USP34: variants seen among roughly 807,000 people sequenced by gnomAD.
USP34 encodes ubiquitin carboxyl-terminal hydrolase 34.
Under a neutral mutation model 460.3 loss-of-function variants are expected in USP34, and 70 were observed. That is an observed-to-expected ratio of 0.15 (90% CI 0.13 to 0.19). The LOEUF (loss-of-function observed/expected upper bound fraction) is 0.19. USP34 is among the 10% of genes least tolerant of loss of function. USP34 has a pLI of 1.00. For synonymous variants in USP34, 1,647 were observed against 1,405.3 expected (o/e 1.17, Z -3.85); for missense variants, 3,985 against 4,236.2 (o/e 0.94, Z 1.65).
At chr2:61,436,229 T>C (rs752961276) in intron 1 of USP34, among the ~76,000 whole-genome samples, 2 of 150,708 alleles carry the variant, frequency 1.3e-5, no homozygotes, top group Non-Finnish European at 3.0e-5. Flanking sequence ...ACTTGGGAAT[T>C]TGAGGCAAAA....
chr2:61,317,858 T>A, intron 22 of USP34, 91 bp from the exon 23 acceptor site: 1 of 889,724 alleles, frequency 1.1e-6, no homozygotes, highest in Non-Finnish European at 1.7e-6. Flanking sequence ...GAAAACACTG[T>A]AGAAGGAAAC....
Position 61,203,178 on chromosome 2 carries a change from A to T in USP34, c.9470T>A (p.Ile3157Asn). Residue 3157 changes from isoleucine to asparagine, a missense_variant, in exon 75 of 80, where the codon ATC becomes AAC. Transcript: ENST00000398571. ...TGTTTCAGTAAATTTTTCACAGTTG[A>T]TTGCAACTCGGCATAATAGATGGAT... The part of the protein sequence containing the change: ...QFIHLLCRVA[I>N]NCEKFTETLV... 6.2e-7 allele frequency: 1 copy of T among 1,600,244 alleles called. No homozygotes were observed. Among genetic ancestry groups the T allele is most frequent in the Non-Finnish European group, 8.5e-7 (1 of 1,173,238 alleles).
intron 53 of USP34, among the ~76,000 whole-genome samples, chr2:61,240,018 A>G (rs982500970): frequency 1.3e-5 from 2 of 151,814 alleles, no homozygotes; most frequent in Non-Finnish European, 2.9e-5. Context: ...CTCAAAAAAA[A>G]AAAAAAAAAA....
chr2:61,374,159 G>GAAAAAA (rs76561805), intron 8 of USP34, among the ~76,000 whole-genome samples: 1 of 117,702 alleles, frequency 8.5e-6, no homozygotes, highest in African/African-American at 3.2e-5. Flanking sequence ...CCATCTCAGG[G>GAAAAAA]AAAAAAAAAA....
chr2:61,288,993 T>A, intron 33 of USP34, 116 bp from the exon 34 acceptor site: 2 of 1,032,634 alleles, frequency 1.9e-6, no homozygotes, highest in Non-Finnish European at 2.8e-6. Flanking sequence ...TACTTAATCA[T>A]GTACTATAAA....
At chr2:61,298,167 G>A (rs1690093129) in intron 29 of USP34, among the ~76,000 whole-genome samples, 1 of 151,372 alleles carries the variant, frequency 6.6e-6, no homozygotes, top group Admixed American at 6.6e-5. Flanking sequence ...TCTCATCAGG[G>A]CCAAACCTAT....
At chr2:61,215,454 A>C (rs183593616) in intron 67 of USP34, among the ~76,000 whole-genome samples, 1 of 152,252 alleles carries the variant, frequency 6.6e-6, no homozygotes, top group East Asian at 1.9e-4. Context: ...CACCCAAGGA[A>C]AGAACTTGGT....
intron 70 of USP34, chr2:61,207,914 T>C (rs1447749725): frequency 1.3e-5 from 2 of 152,292 alleles, no homozygotes; most frequent in African/African-American, 4.8e-5. Flanking sequence ...TTTATTATCA[T>C]TAACTGAAAA....
intron 3 of USP34, among the ~76,000 whole-genome samples, chr2:61,400,923 A>T (rs180689605): frequency 6.6e-6 from 1 of 152,182 alleles, no homozygotes; most frequent in Admixed American, 6.5e-5. Context: ...AGGCCGAGAC[A>T]GGCAGGTCAC....
rs1175570969 is a variant in USP34, at chr2:61,314,898, T to C, written c.3359A>G (p.Tyr1120Cys). Residue 1120 changes from tyrosine to cysteine, a missense_variant, in exon 24 of 80, where the codon TAT (tyrosine) becomes TGT (cysteine). Tyr to Cys is a radical substitution (Grantham distance 194, BLOSUM62 -2). Coordinates refer to ENST00000398571, the MANE Select transcript of USP34 (RefSeq NM_014709.4). ...ACCATTAATATAATAGGAGTTAATA[T>C]ACTGGATAGCTGCTCGACTGACATC... ...SGDVSRAAIQ[Y>C]INSYYINGKT... is the part of the protein sequence containing the mutation. The C allele has an allele frequency of 1.2e-6, 2 of 1,613,836 alleles. No homozygotes were observed. Among genetic ancestry groups the C allele is most frequent in the Non-Finnish European group, 1.7e-6 (2 of 1,179,872 alleles).
At chr2:61,258,992 G>A (rs1423968491) in intron 44 of USP34, among the ~76,000 whole-genome samples, 1 of 152,154 alleles carries the variant, frequency 6.6e-6, no homozygotes, top group Admixed American at 6.5e-5. Flanking sequence ...GGGCACGGTG[G>A]CTCACACCTG....
rs140185706 is a variant in USP34, at chr2:61,406,191, T to TA, written c.132-64dup. 4.7e-3 allele frequency: 6,394 copies of TA among 1,346,880 alleles called. 238 individuals carry two copies. In the African/African-American group the frequency reaches 0.082, roughly 17 times the overall value. 83.4% of individuals were successfully genotyped at this position (1,346,880 alleles called of 1,614,324 possible). A position where few individuals can be genotyped will look rare whatever the true frequency, so the allele number is the denominator to read the frequency against. ...GCAGCAGCTGTATTTTTTAATAATATAAAAAAACAAGTAAGCAAATACTAA... is the reference window on the plus strand; with the variant it reads ...GCAGCAGCTGTATTTTTTAATAATATAAAAAAAACAAGTAAGCAAATACTAA... On this transcript the variant is annotated intron_variant, in intron 2 of 79. Transcript: ENST00000398571.
intron 68 of USP34, among the ~76,000 whole-genome samples, chr2:61,212,984 T>G (rs976201800): frequency 5.3e-5 from 8 of 152,166 alleles, no homozygotes; most frequent in Non-Finnish European, 1.2e-4. Context: ...GGTTTTCAAT[T>G]TCTTGGTACT....
At chr2:61,218,070 G>A (rs1687453060) in intron 67 of USP34, among the ~76,000 whole-genome samples, 1 of 151,830 alleles carries the variant, frequency 6.6e-6, no homozygotes, top group Non-Finnish European at 1.5e-5. Flanking sequence ...ATTAAACAAT[G>A]CCACTGCAAT....
At chr2:61,294,332 C>T (rs1427116882) in intron 32 of USP34, among the ~76,000 whole-genome samples, 3 of 144,374 alleles carry the variant, frequency 2.1e-5, no homozygotes, top group African/African-American at 5.4e-5. Context: ...GGTGACAGAG[C>T]GAGACTCCAT....
intron 44 of USP34, 34 bp from the exon 45 acceptor site, chr2:61,257,384 G>C (rs1238480180): frequency 6.6e-7 from 1 of 1,519,996 alleles, no homozygotes; most frequent in East Asian, 2.4e-5. Context: ...CTAAGTGTCA[G>C]ATAAAAATAA....
Position 61,288,894 on chromosome 2 carries a change from A to G in USP34, c.4549-17T>C. ...TAGCTGCCACTGTAAATGAGAAGAA[A>G]TAGTCAATTCCCTATTTTCATTAAT... On this transcript the variant is annotated splice_polypyrimidine_tract_variant and intron_variant, in intron 33 of 79. Coordinates refer to ENST00000398571, the MANE Select transcript of USP34 (RefSeq NM_014709.4). The G allele has an allele frequency of 6.2e-7, 1 of 1,609,380 alleles. No individual in the cohort carries two copies. Among genetic ancestry groups the G allele is most frequent in the East Asian group, 2.2e-5 (1 of 44,862 alleles).
At chr2:61,203,956 G>T (rs1687044346) in intron 74 of USP34, among the ~76,000 whole-genome samples, 1 of 150,414 alleles carries the variant, frequency 6.6e-6, no homozygotes. Flanking sequence ...AGTACCTAAT[G>T]ACTTTTCAAA....
chr2:61,275,033 T>C (rs1031041041), intron 41 of USP34, among the ~76,000 whole-genome samples: 8 of 152,122 alleles, frequency 5.3e-5, no homozygotes, highest in Non-Finnish European at 7.3e-5. Context: ...TCCTGGCACA[T>C]TAGGAGGCCA....
Sources: allele counts gnomAD v4.1 joint callset (sites outside exome capture counted in the v4.1 genomes callset), GRCh38; gene constraint gnomAD v4.1.1; transcripts MANE v1.5; gene names NCBI Gene and HGNC (gene_info 2026-07-23, HGNC 2026-07-21).